Variants in RSRC1 observed in about 807,000 individuals in gnomAD.
RSRC1 encodes the protein serine/Arginine-related protein 53.
In RSRC1, 39 loss-of-function variants were observed where a neutral mutation model predicts 49.1. The observed-to-expected ratio is 0.79, with a 90% CI of 0.61 to 1.04. RSRC1 has a LOEUF of 1.04. Ranked by LOEUF, RSRC1 falls within the 50% of genes least tolerant of loss-of-function variation. The pLI, the probability that RSRC1 is intolerant of heterozygous loss-of-function variation, is 0.00. For missense variants in RSRC1, 388 were observed against 402.4 expected, an observed-to-expected ratio of 0.96 and a Z score of 0.31; for synonymous variants, 143 against 130.8, an observed-to-expected ratio of 1.09 and a Z score of -0.63.
At chr3:158,270,513 A>C (rs533115340) in intron 4 of RSRC1, among the ~76,000 whole-genome samples, 92 of 152,284 alleles carry the variant, frequency 6.0e-4, no homozygotes, top group Admixed American at 2.1e-3. Flanking sequence ...TATTGTAGTC[A>C]TGTATTTCAA....
At chr3:158,399,786 T>C (rs1436715737) in intron 6 of RSRC1, among the ~76,000 whole-genome samples, 1 of 152,130 alleles carries the variant, frequency 6.6e-6, no homozygotes, top group African/African-American at 2.4e-5. Flanking sequence ...CCTTCTCTCA[T>C]TCCAAGCTGT....
chr3:158,276,205 AT>A, intron 4 of RSRC1: 1 of 798,236 alleles, frequency 1.3e-6, no homozygotes. Flanking sequence ...GGAACTGGGC[AT>A]TTTCGGCCAC....
intron 6 of RSRC1, among the ~76,000 whole-genome samples, chr3:158,394,521 A>G (rs1733501180): frequency 6.6e-6 from 1 of 152,120 alleles, no homozygotes; most frequent in Non-Finnish European, 1.5e-5. Context: ...ATGTACAAAA[A>G]TCAGCATTTC....
chr3:158,528,644 C>T (rs567487766), intron 7 of RSRC1, among the ~76,000 whole-genome samples: 2 of 151,928 alleles, frequency 1.3e-5, no homozygotes, highest in East Asian at 1.9e-4. Context: ...TAATTAGAGT[C>T]GATAAGGATT....
At chr3:158,342,118 G>T (rs1323057339) in intron 5 of RSRC1, among the ~76,000 whole-genome samples, 1 of 152,150 alleles carries the variant, frequency 6.6e-6, no homozygotes, top group Admixed American at 6.5e-5. Context: ...AATTTGCTTT[G>T]TCTCAGATGA....
intron 5 of RSRC1, among the ~76,000 whole-genome samples, chr3:158,326,473 A>G (rs1191931504): frequency 6.6e-6 from 1 of 152,152 alleles, no homozygotes; most frequent in African/African-American, 2.4e-5. Flanking sequence ...CCTTTTCTGC[A>G]TCTATTGAGA....
intron 6 of RSRC1, among the ~76,000 whole-genome samples, chr3:158,361,937 GCA>G (rs1731498496): frequency 6.6e-6 from 1 of 151,920 alleles, no homozygotes. Context: ...TCCTGTCTTT[GCA>G]CACCATTTAT....
intron 6 of RSRC1, among the ~76,000 whole-genome samples, chr3:158,356,543 T>G (rs1731170253): frequency 6.8e-6 from 1 of 147,084 alleles, no homozygotes; most frequent in African/African-American, 2.7e-5. Context: ...GTTTATGTTT[T>G]TATCTTATTT....
At chr3:158,141,972 C>T (rs1228355910) in intron 3 of RSRC1, among the ~76,000 whole-genome samples, 4 of 152,166 alleles carry the variant, frequency 2.6e-5, no homozygotes, top group Admixed American at 1.3e-4. Context: ...GTGGTGCACG[C>T]CTGTAGTCCC....
At chr3:158,119,811 A>G (rs867591369) in intron 1 of RSRC1, among the ~76,000 whole-genome samples, 1 of 149,732 alleles carries the variant, frequency 6.7e-6, no homozygotes, top group Admixed American at 6.7e-5. Flanking sequence ...TACATGTTGT[A>G]TATATTTATA....
chr3:158,202,949 G>A, intron 3 of RSRC1, 123 bp from the exon 4 acceptor site: 1 of 642,162 alleles, frequency 1.6e-6, no homozygotes, highest in Non-Finnish European at 2.6e-6. Context: ...GCTTCACGTG[G>A]TTATTTATTT....
intron 4 of RSRC1, among the ~76,000 whole-genome samples, chr3:158,242,519 G>A (rs951695253): frequency 6.6e-6 from 1 of 152,122 alleles, no homozygotes; most frequent in Non-Finnish European, 1.5e-5. Flanking sequence ...ACACACGTGT[G>A]CATGTATCTT....
intron 3 of RSRC1, among the ~76,000 whole-genome samples, chr3:158,157,199 T>C (rs925640443): frequency 6.6e-6 from 1 of 152,186 alleles, no homozygotes; most frequent in Non-Finnish European, 1.5e-5. Flanking sequence ...TGAATTAAAA[T>C]AATAATAGTA....
intron 4 of RSRC1, among the ~76,000 whole-genome samples, chr3:158,295,097 A>T (rs962054918): frequency 2.6e-5 from 4 of 152,164 alleles, no homozygotes; most frequent in African/African-American, 9.6e-5. Flanking sequence ...GTGATGGGAC[A>T]TGCCCCGAGT....
At chr3:158,330,312 G>A (rs952423844) in intron 5 of RSRC1, among the ~76,000 whole-genome samples, 6 of 152,192 alleles carry the variant, frequency 3.9e-5, no homozygotes, top group African/African-American at 1.2e-4. Flanking sequence ...CGTCTTCTGC[G>A]TCGCTCACTC....
chr3:158,264,463 G>C (rs1268735696), intron 4 of RSRC1, among the ~76,000 whole-genome samples: 7 of 152,116 alleles, frequency 4.6e-5, no homozygotes. Flanking sequence ...TGAATGGTTT[G>C]AATAAGTTTT....
intron 3 of RSRC1, among the ~76,000 whole-genome samples, chr3:158,181,978 T>C (rs1396160649): frequency 6.6e-6 from 1 of 152,116 alleles, no homozygotes; most frequent in African/African-American, 2.4e-5. Context: ...GGATAGTCAA[T>C]GAACAACAAA....
chr3:158,410,851 G>T (rs1734428179), intron 6 of RSRC1, among the ~76,000 whole-genome samples: 1 of 151,992 alleles, frequency 6.6e-6, no homozygotes, highest in African/African-American at 2.4e-5. Flanking sequence ...AGCAATTATT[G>T]TAAATCAGTA....
At chr3:158,342,165 C>T (rs4680428) in intron 5 of RSRC1, among the ~76,000 whole-genome samples, 33,424 of 151,972 alleles carry the variant, frequency 0.22, 4,278 homozygotes, top group Non-Finnish European at 0.29. Flanking sequence ...AATGCTGAAA[C>T]GAGTTAAGCC....
Sources: gnomAD v4.1 joint callset for allele counts (sites outside exome capture counted in the v4.1 genomes callset) on GRCh38, gnomAD v4.1.1 for gene constraint, MANE v1.5 for transcripts, NCBI Gene and HGNC (gene_info 2026-07-23, HGNC 2026-07-21) for gene names.